CCDC141: variants seen among roughly 807,000 people sequenced by gnomAD.
CCDC141 encodes the protein coiled-coil domain containing 141.
In CCDC141, 168 loss-of-function variants were observed where a neutral mutation model predicts 181.0. That is an observed-to-expected ratio of 0.93 (90% CI 0.82 to 1.05). The LOEUF (loss-of-function observed/expected upper bound fraction) is 1.05. Ranked by LOEUF, CCDC141 falls within the 50% of genes least tolerant of loss-of-function variation. The pLI is 0.00. For synonymous variants in CCDC141, 666 were observed against 642.3 expected (o/e 1.04, Z -0.56); for missense variants, 1,902 against 1,788.5 (o/e 1.06, Z -1.14).
intron 22 of CCDC141, 129 bp from the exon 23 acceptor site, chr2:178,837,873 G>A: frequency 9.9e-6 from 10 of 1,006,700 alleles, no homozygotes; most frequent in Non-Finnish European, 1.4e-5. Context: ...GGGGGCTGGA[G>A]CAAGAATTAC....
At chr2:178,972,576 C>T (rs773046523) in intron 4 of CCDC141, among the ~76,000 whole-genome samples, 7 of 152,086 alleles carry the variant, frequency 4.6e-5, no homozygotes, top group South Asian at 2.1e-4. Context: ...GACACATGGC[C>T]CTGGATTTCT....
intron 2 of CCDC141, among the ~76,000 whole-genome samples, chr2:178,984,724 A>C (rs1189054705): frequency 1.5e-3 from 230 of 150,996 alleles, no homozygotes; most frequent in Admixed American, 4.5e-3. Flanking sequence ...AAAGAAGGCC[A>C]TTACATAATG....
intron 20 of CCDC141, among the ~76,000 whole-genome samples, chr2:178,851,716 G>C (rs142471020): frequency 0.018 from 2,752 of 152,282 alleles, 164 homozygotes; most frequent in Admixed American, 0.12. Flanking sequence ...TAGCAAACAA[G>C]CACAAACATT....
chr2:178,939,310 A>T (rs1434963587), intron 6 of CCDC141, among the ~76,000 whole-genome samples: 1 of 152,186 alleles, frequency 6.6e-6, no homozygotes, highest in Non-Finnish European at 1.5e-5. Flanking sequence ...TTCTTTCTGT[A>T]AAGTGAAAAG....
At chr2:178,988,020 G>A (rs1020022805) in intron 2 of CCDC141, among the ~76,000 whole-genome samples, 78 of 151,836 alleles carry the variant, frequency 5.1e-4, no homozygotes, top group Non-Finnish European at 8.7e-4. Context: ...ACATGCACAC[G>A]TATGTTTACT....
rs1461043450 is a variant in CCDC141, at chr2:178,885,112, G to A, written c.1528-20C>T. ...TGTCTCCTGTAAAAGCAAAGCACTG[G>A]AGGTCAGAAACTGACAGGGGAATCA... On this transcript the variant is annotated intron_variant, in intron 10 of 23. Transcript: ENST00000443758. 2 of 1,524,192 alleles carry A rather than the reference G, an allele frequency of 1.3e-6. No homozygotes were observed. Among genetic ancestry groups the A allele is most frequent in the African/African-American group, 2.8e-5 (2 of 72,380 alleles). 94.4% of individuals were successfully genotyped at this position (1,524,192 alleles called of 1,614,324 possible). A position where few individuals can be genotyped will look rare whatever the true frequency, so the allele number is the denominator to read the frequency against.
At chr2:179,014,952 C>A (rs371715856) in intron 2 of CCDC141, among the ~76,000 whole-genome samples, 1 of 150,182 alleles carries the variant, frequency 6.7e-6, no homozygotes. Context: ...AATCATTATT[C>A]GAAAAAGTTA....
At chr2:178,896,287 T>C (rs1005153582) in intron 8 of CCDC141, among the ~76,000 whole-genome samples, 26 of 152,290 alleles carry the variant, frequency 1.7e-4, no homozygotes, top group African/African-American at 5.3e-4. Flanking sequence ...ACTTTCGGAT[T>C]GTGTCTCCCT....
intron 8 of CCDC141, among the ~76,000 whole-genome samples, chr2:178,894,290 G>T (rs939591470): frequency 2.0e-5 from 3 of 152,050 alleles, no homozygotes; most frequent in African/African-American, 7.2e-5. Flanking sequence ...AAGCTGCTAA[G>T]GAGGAAAGAG....
At chr2:178,824,060 A>AC in the CCDC141 span, among the ~76,000 whole-genome samples, 310 of 144,222 alleles carry the variant, frequency 2.1e-3, 3 homozygotes, top group African/African-American at 6.7e-3. Context: ...ATACAGAGAA[A>AC]AACACACACA....
intron 8 of CCDC141, among the ~76,000 whole-genome samples, chr2:178,900,500 T>TTTTG (rs375472291): frequency 2.3e-4 from 35 of 152,244 alleles, no homozygotes; most frequent in African/African-American, 5.5e-4. Context: ...TCATAGAGTT[T>TTTTG]TTTGTTTGTT....
chr2:178,890,779 A>G lies in CCDC141; in HGVS notation c.1266-2111T>C, dbSNP rs536958425. 2.6e-5 allele frequency among the ~76,000 whole-genome samples: 4 copies of G among 152,284 alleles called. No homozygotes were observed. The East Asian group carries it at 7.7e-4, about 29-fold the overall frequency. ...TGAACTCTCTTTCTAAAATGGCATC[A>G]CTCAATTGTACAGTGTCATGGGAAA... On this transcript the variant is annotated intron_variant, in intron 8 of 23. Coordinates refer to ENST00000443758, the MANE Select transcript of CCDC141 (RefSeq NM_173648.4).
intron 5 of CCDC141, among the ~76,000 whole-genome samples, chr2:178,960,908 C>G (rs1690367918): frequency 6.6e-6 from 1 of 152,134 alleles, no homozygotes; most frequent in Non-Finnish European, 1.5e-5. Context: ...TTGCAATTAA[C>G]ATTTCAAAAT....
At chr2:178,870,049 T>C (rs1686041327) in intron 14 of CCDC141, among the ~76,000 whole-genome samples, 1 of 151,926 alleles carries the variant, frequency 6.6e-6, no homozygotes, top group African/African-American at 2.4e-5. Flanking sequence ...CTGGCCAACA[T>C]GGCAGAACCC....
At chr2:179,027,599 C>T (rs1368671135) in intron 2 of CCDC141, among the ~76,000 whole-genome samples, 9 of 133,604 alleles carry the variant, frequency 6.7e-5, no homozygotes, top group South Asian at 2.4e-4. Flanking sequence ...GAGCCAAGAT[C>T]GTGCCATTGC....
chr2:178,953,925 C>T (rs1312794730), intron 5 of CCDC141, among the ~76,000 whole-genome samples: 1 of 152,184 alleles, frequency 6.6e-6, no homozygotes, highest in East Asian at 1.9e-4. Flanking sequence ...TATGTCATCT[C>T]TAATATCATT....
At chr2:178,965,987 G>A (rs1357253598) in intron 4 of CCDC141, among the ~76,000 whole-genome samples, 1 of 152,196 alleles carries the variant, frequency 6.6e-6, no homozygotes, top group East Asian at 1.9e-4. Context: ...TACAATCACA[G>A]TGTAAACAAA....
intron 4 of CCDC141, among the ~76,000 whole-genome samples, chr2:178,969,383 C>G (rs1417000044): frequency 6.6e-6 from 1 of 151,650 alleles, no homozygotes; most frequent in African/African-American, 2.4e-5. Flanking sequence ...CAATAAAATA[C>G]TGGCAAACCA....
intron 5 of CCDC141, among the ~76,000 whole-genome samples, chr2:178,958,915 T>G (rs1265643552): frequency 1.3e-5 from 2 of 151,866 alleles, no homozygotes; most frequent in African/African-American, 4.8e-5. Context: ...GTCTTTGTGT[T>G]AATCTGGATA....
Sources: allele counts gnomAD v4.1 joint callset (sites outside exome capture counted in the v4.1 genomes callset), GRCh38; gene constraint gnomAD v4.1.1; transcripts MANE v1.5; gene names NCBI Gene and HGNC (gene_info 2026-07-23, HGNC 2026-07-21).